SLC14A2: variants seen among roughly 807,000 people sequenced by gnomAD.
SLC14A2 encodes the protein solute carrier family 14 member 2.
SLC14A2 carries 91 observed loss-of-function variants against 104.6 expected under a neutral mutation model. That is an observed-to-expected ratio of 0.87 (90% CI 0.73 to 1.04). The LOEUF (loss-of-function observed/expected upper bound fraction) is 1.04. Among genes scored for constraint, SLC14A2 ranks in the 50% least tolerant of loss-of-function variants. The pLI, the probability that SLC14A2 is intolerant of heterozygous loss-of-function variation, is 0.00. For synonymous variants in SLC14A2, 476 were observed against 466.4 expected, an observed-to-expected ratio of 1.02 and a Z score of -0.27; for missense variants, 1,189 against 1,156.0, an observed-to-expected ratio of 1.03 and a Z score of -0.41.
At chr18:45,438,156 G>A (rs2086627353) in intron 1 of SLC14A2, 1 of 152,140 alleles carries the variant, frequency 6.6e-6, no homozygotes, top group Non-Finnish European at 1.5e-5. Context: ...CTTAACTATG[G>A]TAGGTACTCA....
chr18:45,239,536 G>C lies in SLC14A2; in HGVS notation c.-125+26345G>C, dbSNP rs983027213. Among the ~76,000 whole-genome samples the C allele has an allele frequency of 7.9e-5, 12 of 152,368 alleles. 1 individual carries two copies. The highest frequency in any genetic ancestry group is 2.6e-4 in the African/African-American group (11 of 41,586). On this transcript the variant is annotated intron_variant, in intron 1 of 20. Transcript: ENST00000586448. The stretch of plus-strand genomic sequence containing the variant: ...TGATTCTCCTTGCAAGGTGCCTGCT[G>C]TGCTCTTGATGCTGCTGAAAATCAT...
chr18:45,372,316 CAATAAT>C (rs59063935), intron 1 of SLC14A2, among the ~76,000 whole-genome samples: 6,683 of 148,488 alleles, frequency 0.045, 252 homozygotes, highest in African/African-American at 0.099. Context: ...GTCTCAAAAA[CAATAAT>C]AATAATAATA....
chr18:45,524,382 T>G (rs2043561104), intron 2 of SLC14A2, among the ~76,000 whole-genome samples: 2 of 152,136 alleles, frequency 1.3e-5, no homozygotes, highest in Non-Finnish European at 2.9e-5. Context: ...AGCTGGGACT[T>G]GAAGACCCAG....
chr18:45,398,710 A>G (rs1406133189), intron 1 of SLC14A2, among the ~76,000 whole-genome samples: 2 of 152,208 alleles, frequency 1.3e-5, no homozygotes, highest in African/African-American at 4.8e-5. Context: ...CCAAAAGGAT[A>G]AGTGCTATAT....
chr18:45,196,182 T>G, the SLC14A2 span, among the ~76,000 whole-genome samples: 1 of 152,226 alleles, frequency 6.6e-6, no homozygotes, highest in Admixed American at 6.5e-5. Flanking sequence ...CCACTTAGGT[T>G]ATAATTCAGT....
chr18:45,179,912 A>G, the SLC14A2 span: 1 of 152,124 alleles, frequency 6.6e-6, no homozygotes, highest in Non-Finnish European at 1.5e-5. Context: ...TTCAGAGGCC[A>G]AGGCAGGTGG....
intron 1 of SLC14A2, among the ~76,000 whole-genome samples, chr18:45,382,279 T>C (rs533480211): frequency 6.9e-6 from 1 of 145,450 alleles, no homozygotes; most frequent in African/African-American, 2.4e-5. Context: ...TGCTAGATGT[T>C]GGGAATACAT....
chr18:45,188,582 A>G, the SLC14A2 span, among the ~76,000 whole-genome samples: 4 of 152,118 alleles, frequency 2.6e-5, no homozygotes, highest in East Asian at 5.8e-4. Flanking sequence ...TGCCCATCAC[A>G]GGACCTCCAG....
At chr18:45,347,984 G>A (rs1041614416) in intron 1 of SLC14A2, among the ~76,000 whole-genome samples, 4 of 152,226 alleles carry the variant, frequency 2.6e-5, no homozygotes, top group Non-Finnish European at 5.9e-5. Flanking sequence ...AGTGTCATCT[G>A]TGCATTCCCA....
rs1050370557 is a variant in SLC14A2 at position 45,406,560 on chromosome 18, T to C, written c.-124-76673T>C. Among the ~76,000 whole-genome samples, 3 of 148,592 alleles carry C rather than the reference T, an allele frequency of 2.0e-5. No individual in the cohort carries two copies. The East Asian group carries it at 5.8e-4, about 29-fold the overall frequency. On this transcript the variant is annotated intron_variant, in intron 1 of 20. Transcript: ENST00000586448. ...AGAACAGTGAATCCTCTCCAGAAGG[T>C]TTTTTTTTACTTTGCCCAGATCCAA... is the stretch of plus-strand genomic sequence containing the variant.
At chr18:45,540,052 G>A (rs1378379049) in intron 2 of SLC14A2, among the ~76,000 whole-genome samples, 1 of 152,114 alleles carries the variant, frequency 6.6e-6, no homozygotes, top group Non-Finnish European at 1.5e-5. Flanking sequence ...ATATAATGAG[G>A]TCTTTCCTTT....
intron 1 of SLC14A2, among the ~76,000 whole-genome samples, chr18:45,279,784 A>G (rs1413167941): frequency 1.3e-5 from 2 of 152,220 alleles, no homozygotes; most frequent in East Asian, 1.9e-4. Context: ...GCTCACATAC[A>G]TAAAAAACAC....
intron 1 of SLC14A2, among the ~76,000 whole-genome samples, chr18:45,460,446 C>G (rs550661405): frequency 1.6e-3 from 250 of 152,322 alleles, no homozygotes; most frequent in Middle Eastern, 3.4e-3. Context: ...ATTCAAGGGA[C>G]CTTCCTGACT....
At chr18:45,192,636 G>GT in the SLC14A2 span, among the ~76,000 whole-genome samples, 289 of 112,776 alleles carry the variant, frequency 2.6e-3, 1 homozygote, top group South Asian at 0.012. Flanking sequence ...GTGTGTGTGT[G>GT]GTTTTTTTTT....
intron 16 of SLC14A2, among the ~76,000 whole-genome samples, chr18:45,672,158 CA>C (rs2046150947): frequency 6.6e-6 from 1 of 152,152 alleles, no homozygotes; most frequent in African/African-American, 2.4e-5. Flanking sequence ...AATCACACCC[CA>C]AACATGTTGT....
chr18:45,530,327 A>C (rs976853592), intron 2 of SLC14A2, among the ~76,000 whole-genome samples: 2 of 152,210 alleles, frequency 1.3e-5, no homozygotes, highest in African/African-American at 4.8e-5. Flanking sequence ...CCTATAAAGC[A>C]AATGCTAAAA....
At chr18:45,168,098 AC>A in the SLC14A2 span, among the ~76,000 whole-genome samples, 1 of 152,180 alleles carries the variant, frequency 6.6e-6, no homozygotes, top group Non-Finnish European at 1.5e-5. Flanking sequence ...CCCTGAATCT[AC>A]AACTTCATAT....
chr18:45,255,522 A>G (rs1259925213), intron 1 of SLC14A2, among the ~76,000 whole-genome samples: 1 of 152,212 alleles, frequency 6.6e-6, no homozygotes, highest in Non-Finnish European at 1.5e-5. Context: ...ATTTGCTTTA[A>G]AAGACCCTTG....
At chr18:45,299,804 C>G (rs1437292522) in intron 1 of SLC14A2, among the ~76,000 whole-genome samples, 1 of 152,202 alleles carries the variant, frequency 6.6e-6, no homozygotes, top group Non-Finnish European at 1.5e-5. Context: ...AAGGCAGCAA[C>G]ACCAAGTCCT....
Sources: gnomAD v4.1 joint callset for allele counts (sites outside exome capture counted in the v4.1 genomes callset) on GRCh38, gnomAD v4.1.1 for gene constraint, MANE v1.5 for transcripts, NCBI Gene and HGNC (gene_info 2026-07-23, HGNC 2026-07-21) for gene names.